RLF: variants seen among roughly 807,000 people sequenced by gnomAD.
RLF encodes zinc finger protein Rlf.
In RLF, 7 loss-of-function variants were observed where a neutral mutation model predicts 162.9. That is an observed-to-expected ratio of 0.04 (90% confidence interval 0.02 to 0.08). The LOEUF (loss-of-function observed/expected upper bound fraction) is 0.08, where lower values mean the gene tolerates loss of function less well. Among genes scored for constraint, RLF ranks in the 10% least tolerant of loss-of-function variants. The pLI is 1.00. For synonymous variants in RLF, 782 were observed against 791.5 expected (o/e 0.99, Z 0.20); for missense variants, 1,664 against 2,244.7 (o/e 0.74, Z 5.23).
chr1:40,209,925 A>G (rs1355493491), intron 5 of RLF, among the ~76,000 whole-genome samples: 2 of 151,818 alleles, frequency 1.3e-5, no homozygotes, highest in African/African-American at 2.4e-5. Flanking sequence ...ATAAACCTGT[A>G]TGCTAATTTA....
intron 1 of RLF, among the ~76,000 whole-genome samples, chr1:40,166,031 A>G (rs1642161210): frequency 6.6e-6 from 1 of 152,204 alleles, no homozygotes; most frequent in Non-Finnish European, 1.5e-5. Context: ...TGATTTCAGC[A>G]GGCAGAATTA....
chr1:40,219,632 T>C (rs569030379), intron 5 of RLF, among the ~76,000 whole-genome samples: 1 of 152,264 alleles, frequency 6.6e-6, no homozygotes, highest in South Asian at 2.1e-4. Context: ...AATAGAAACC[T>C]TGATGGAAGT....
chr1:40,170,844 A>G (rs1642233820), intron 1 of RLF, among the ~76,000 whole-genome samples: 1 of 152,186 alleles, frequency 6.6e-6, no homozygotes, highest in African/African-American at 2.4e-5. Context: ...AGGTTTACCT[A>G]TATTGCTGCA....
chr1:40,206,093 A>G (rs61781767), intron 5 of RLF, among the ~76,000 whole-genome samples: 7,916 of 152,158 alleles, frequency 0.052, 602 homozygotes, highest in African/African-American at 0.17. Flanking sequence ...CCCATATCCA[A>G]TTGCCTAATT....
intron 6 of RLF, among the ~76,000 whole-genome samples, chr1:40,225,878 CAAAAAA>C (rs71577617): frequency 5.4e-4 from 8 of 14,782 alleles, no homozygotes; most frequent in African/African-American, 7.1e-4. Flanking sequence ...GACTCCGTCG[CAAAAAA>C]AAAAAAAAAA....
intron 5 of RLF, among the ~76,000 whole-genome samples, chr1:40,212,797 A>G (rs1169817532): frequency 6.6e-6 from 1 of 152,202 alleles, no homozygotes; most frequent in Non-Finnish European, 1.5e-5. Context: ...GAATTGACAC[A>G]GTCACTAGGT....
chr1:40,169,222 G>A (rs1363225407), intron 1 of RLF, among the ~76,000 whole-genome samples: 1 of 152,102 alleles, frequency 6.6e-6, no homozygotes, highest in Non-Finnish European at 1.5e-5. Context: ...TCACACAGCT[G>A]GCAAGTGGTG....
chr1:40,202,041 A>G (rs1430729107), intron 4 of RLF, among the ~76,000 whole-genome samples: 1 of 152,184 alleles, frequency 6.6e-6, no homozygotes, highest in Non-Finnish European at 1.5e-5. Flanking sequence ...TTCTGTGAAT[A>G]TTAATTTTCC....
chr1:40,196,984 A>G (rs1642646855), intron 4 of RLF, among the ~76,000 whole-genome samples: 1 of 152,230 alleles, frequency 6.6e-6, no homozygotes, highest in Non-Finnish European at 1.5e-5. Context: ...ATTTTTTGCT[A>G]TAAAAACAGA....
At chr1:40,187,785 T>C (rs1368944761) in intron 1 of RLF, among the ~76,000 whole-genome samples, 2 of 152,148 alleles carry the variant, frequency 1.3e-5, no homozygotes, top group African/African-American at 4.8e-5. Flanking sequence ...CAGGGACCAT[T>C]TGTGTGGAAA....
At chr1:40,194,619 A>T (rs1642604625) in intron 3 of RLF, among the ~76,000 whole-genome samples, 2 of 151,794 alleles carry the variant, frequency 1.3e-5, no homozygotes, top group East Asian at 1.9e-4. Context: ...AAAAAAAATA[A>T]ATCAGCCTCC....
At chr1:40,191,490 A>T (rs149887568) in intron 3 of RLF, among the ~76,000 whole-genome samples, 7,276 of 151,734 alleles carry the variant, frequency 0.048, 576 homozygotes, top group African/African-American at 0.17. Flanking sequence ...GTGAGCCAAG[A>T]TCGCACCACT....
intron 1 of RLF, among the ~76,000 whole-genome samples, chr1:40,172,068 A>T (rs900675229): frequency 6.6e-6 from 1 of 152,230 alleles, no homozygotes; most frequent in Non-Finnish European, 1.5e-5. Flanking sequence ...TATTTAAGAA[A>T]TAAATGCATG....
chr1:40,226,942 G>A (rs1643086346), intron 6 of RLF, among the ~76,000 whole-genome samples: 1 of 152,162 alleles, frequency 6.6e-6, no homozygotes, highest in African/African-American at 2.4e-5. Flanking sequence ...TCAGCTCACT[G>A]CAACCTCTGC....
rs1190149122 is a variant in RLF at position 40,188,249 on chromosome 1, A to G, written c.238-806A>G. Among the ~76,000 whole-genome samples, 3 of 152,356 alleles carry G rather than the reference A, an allele frequency of 2.0e-5. No individual in the cohort carries two copies. The South Asian group carries it at 6.2e-4, about 32-fold the overall frequency. ...GATTTTTCAACACTGTCCAGGGAGA[A>G]CATAAGCCAGCTTTCCACCATCATT... On this transcript the variant is annotated intron_variant, in intron 1 of 7. Coordinates refer to ENST00000372771, the MANE Select transcript of RLF (RefSeq NM_012421.4).
intron 2 of RLF, 33 bp downstream of exon 2, chr1:40,189,242 T>C (rs1347419798): frequency 2.5e-6 from 4 of 1,576,480 alleles, no homozygotes; most frequent in Non-Finnish European, 2.6e-6. Context: ...CTCTTAAAAT[T>C]GAGTACCATT....
At chr1:40,220,466 C>T (rs2124552615) in intron 5 of RLF, among the ~76,000 whole-genome samples, 1 of 152,236 alleles carries the variant, frequency 6.6e-6, no homozygotes, top group Admixed American at 6.5e-5. Context: ...TCTTAGGTGC[C>T]ACTTTACCCA....
At chr1:40,204,951 CA>C (rs1017739943) in intron 5 of RLF, among the ~76,000 whole-genome samples, 4 of 152,178 alleles carry the variant, frequency 2.6e-5, no homozygotes, top group Non-Finnish European at 4.4e-5. Context: ...TATGAATGTA[CA>C]TCTTCTCTTC....
chr1:40,180,585 A>G (rs1642392351), intron 1 of RLF, among the ~76,000 whole-genome samples: 1 of 152,122 alleles, frequency 6.6e-6, no homozygotes. Flanking sequence ...ATGATAGTCA[A>G]TCCTAATGGG....
Sources: allele counts gnomAD v4.1 joint callset (sites outside exome capture counted in the v4.1 genomes callset), GRCh38; gene constraint gnomAD v4.1.1; transcripts MANE v1.5; gene names NCBI Gene and HGNC (gene_info 2026-07-23, HGNC 2026-07-21).